Variants in FMO4 observed in about 807,000 individuals in gnomAD.
FMO4 encodes flavin containing dimethylaniline monoxygenase 4, also known as dimethylaniline monooxygenase [N-oxide-forming] 4.
FMO4 carries 38 observed loss-of-function variants against 43.3 expected under a neutral mutation model. The observed-to-expected ratio is 0.88, with a 90% CI of 0.68 to 1.15. The LOEUF is 1.15. Ranked by LOEUF, FMO4 falls within the 50% of genes most tolerant of loss-of-function variation. FMO4 has a pLI of 0.00. For synonymous variants in FMO4, 224 were observed against 232.2 expected (o/e 0.96, Z 0.32); for missense variants, 631 against 663.3 (o/e 0.95, Z 0.54).
At chr1:171,316,681 A>G (rs772480109) in intron 2 of FMO4, among the ~76,000 whole-genome samples, 7 of 152,044 alleles carry the variant, frequency 4.6e-5, no homozygotes, top group Non-Finnish European at 7.4e-5. Flanking sequence ...CTAAATAGGG[A>G]CTCCCAAATA....
Position 171,341,620 on chromosome 1 carries a change from C to T in FMO4, c.1458C>T (p.Ile486=). 6.2e-7 allele frequency: 1 copy of T among 1,613,962 alleles called. No individual in the cohort carries two copies. The highest frequency in any genetic ancestry group is 8.5e-7 in the Non-Finnish European group (1 of 1,179,928). Residue 486 remains isoleucine (I), a synonymous_variant, in exon 10 of 10, where the codon ATC becomes ATT. Coordinates refer to ENST00000367749, the MANE Select transcript of FMO4 (RefSeq NM_002022.3). ...AATGGGATGGAGCCAGAAATGCCAT[C>T]CTGACCCAGTGGGACAGAACATTGA... ...PGKWDGARNA[I]LTQWDRTLKP...
intron 7 of FMO4, 29 bp downstream of exon 7, chr1:171,332,937 A>T (rs1662964120): frequency 2.1e-6 from 2 of 966,514 alleles, no homozygotes; most frequent in Non-Finnish European, 3.3e-6. Context: ...TAGTAGAAAA[A>T]ATATTAAATC....
chr1:171,341,459 T>C lies in FMO4; in HGVS notation c.1297T>C (p.Tyr433His). The change falls in exon 10 of 10, where the codon TAC becomes CAC. Residue 433 changes from tyrosine (Y) to histidine (H), a missense_variant. Physicochemically the swap from Tyr to His is moderately conservative, Grantham distance 83 (BLOSUM62 2). Coordinates refer to ENST00000367749, the MANE Select transcript of FMO4 (RefSeq NM_002022.3). ...CAAAGACAAATTTGACTACATTGCC[T>C]ACATGGATGATATCGCTGCCTGCAT... ...TSKDKFDYIA[Y>H]MDDIAACIGT... 2 of 1,613,912 alleles carry C rather than the reference T, an allele frequency of 1.2e-6. No individual in the cohort carries two copies. Among genetic ancestry groups the C allele is most frequent in the Non-Finnish European group, 1.7e-6 (2 of 1,179,892 alleles).
intron 9 of FMO4, among the ~76,000 whole-genome samples, chr1:171,340,712 G>A (rs1663338951): frequency 6.6e-6 from 1 of 152,086 alleles, no homozygotes; most frequent in African/African-American, 2.4e-5. Context: ...TGAGTCTAAG[G>A]ATAATGAAAT....
chr1:171,332,575 A>T, intron 6 of FMO4, 134 bp from the exon 7 acceptor site: 1 of 645,770 alleles, frequency 1.5e-6, no homozygotes, highest in East Asian at 2.7e-5. Flanking sequence ...TCGTATGTAG[A>T]CCTATGTACA....
chr1:171,334,850 AGT>A, intron 8 of FMO4, 87 bp downstream of exon 8: 1 of 700,256 alleles, frequency 1.4e-6, no homozygotes, highest in East Asian at 2.7e-5. Flanking sequence ...TGTGAACTAA[AGT>A]AACAAAATAT....
At chr1:171,325,205 T>A (rs1303612891) in intron 5 of FMO4, among the ~76,000 whole-genome samples, 2 of 152,224 alleles carry the variant, frequency 1.3e-5, no homozygotes, top group African/African-American at 4.8e-5. Flanking sequence ...GAAATGCTTT[T>A]CACTGTGACA....
rs758313596 is a variant in FMO4 at position 171,324,118 on chromosome 1, T to C, written c.322-20T>C. 5 of 1,597,068 alleles carry C rather than the reference T, an allele frequency of 3.1e-6. No homozygotes were observed. Among genetic ancestry groups the C allele is most frequent in the Middle Eastern group, 1.7e-4 (1 of 5,952 alleles). Reference sequence around the variant, plus strand: ...TCCAAGGGTGTTAGTGAGAAGTGAGTGTTTGTCTTTCACTTTTAGACCACT... The same window carrying C: ...TCCAAGGGTGTTAGTGAGAAGTGAGCGTTTGTCTTTCACTTTTAGACCACT... On this transcript the variant is annotated intron_variant, in intron 4 of 9. Transcript: ENST00000367749.
intron 5 of FMO4, among the ~76,000 whole-genome samples, chr1:171,325,047 T>C (rs919430243): frequency 1.3e-5 from 2 of 152,102 alleles, no homozygotes; most frequent in Admixed American, 6.6e-5. Flanking sequence ...GAGTGGCGGT[T>C]GCAGTGAGCA....
chr1:171,339,117 A>T (rs905589540), intron 9 of FMO4, among the ~76,000 whole-genome samples: 1 of 152,184 alleles, frequency 6.6e-6, no homozygotes, highest in Non-Finnish European at 1.5e-5. Flanking sequence ...ATATCTGTGG[A>T]AAGTTCAGTC....
Position 171,341,977 on chromosome 1 carries a change from A to G in FMO4, c.*138A>G. On this transcript the variant is annotated 3_prime_UTR_variant, in exon 10 of 10. Coordinates refer to ENST00000367749, the MANE Select transcript of FMO4 (RefSeq NM_002022.3). Reference sequence around the variant, plus strand: ...CATCTCCTATCTGAATTATTGTATTATCTTCTTCTTTGTTTTCAGTACCCT... The same window carrying G: ...CATCTCCTATCTGAATTATTGTATTGTCTTCTTCTTTGTTTTCAGTACCCT... The G allele has an allele frequency of 1.5e-6, 1 of 647,598 alleles. No individual in the cohort carries two copies. Among genetic ancestry groups the G allele is most frequent in the East Asian group, 2.7e-5 (1 of 36,504 alleles). The allele number at this position is 647,598 out of a possible 1,614,324, so 40.1% of individuals were successfully genotyped here.
Position 171,341,752 on chromosome 1 carries a change from C to A in FMO4, c.1590C>A (p.Ile530=), listed in dbSNP as rs184560969. The A allele has an allele frequency of 3.1e-6, 5 of 1,613,772 alleles. No individual in the cohort carries two copies. In the East Asian group the frequency reaches 8.9e-5, roughly 29 times the overall value. The part of the protein sequence containing the change: ...APVLLASLLL[I]CKSSLFLKLV... Reference sequence around the variant, plus strand: ...TCCTACTTGCCTCTCTTCTACTTATCTGTAAATCTTCACTTTTCTTGAAAT... The same window carrying A: ...TCCTACTTGCCTCTCTTCTACTTATATGTAAATCTTCACTTTTCTTGAAAT... Residue 530 remains isoleucine, a synonymous_variant, in exon 10 of 10, where the codon ATC becomes ATA. Transcript: ENST00000367749.
At position 171,324,357 on chromosome 1, in the gene FMO4, CTT is replaced by C. The variant is rs1177642412; in HGVS notation, c.484+58_484+59del. 33 of 1,389,638 alleles carry C rather than the reference CTT, an allele frequency of 2.4e-5. No individual in the cohort carries two copies. In the African/African-American group the frequency reaches 4.3e-4, roughly 18 times the overall value. The allele number at this position is 1,389,638 out of a possible 1,614,324, so 86.1% of individuals were successfully genotyped here. A position where few individuals can be genotyped will look rare whatever the true frequency, so the allele number is the denominator to read the frequency against. Reference sequence around the variant, plus strand: ...GCTTCTGGGTTCTTCTAGAAGTAAACTTATTGATTTGCAGTTGGAAATACCGC... The same window carrying C: ...GCTTCTGGGTTCTTCTAGAAGTAAACATTGATTTGCAGTTGGAAATACCGC... On this transcript the variant is annotated intron_variant, in intron 5 of 9. Transcript: ENST00000367749.
chr1:171,322,836 G>C (rs1010034517), intron 3 of FMO4, among the ~76,000 whole-genome samples, 168 bp from the exon 4 acceptor site: 1 of 152,080 alleles, frequency 6.6e-6, no homozygotes, highest in African/African-American at 2.4e-5. Flanking sequence ...CTGGGTGATA[G>C]AGTGAGACTC....
intron 5 of FMO4, among the ~76,000 whole-genome samples, chr1:171,324,857 C>T (rs1662590694): frequency 6.6e-6 from 1 of 152,178 alleles, no homozygotes; most frequent in Non-Finnish European, 1.5e-5. Flanking sequence ...CATAGCGGTT[C>T]ATACCTGTAA....
In FMO4 at chr1:171,341,861, C is replaced by A; in HGVS notation, c.*22C>A. The A allele has an allele frequency of 6.3e-7, 1 of 1,581,742 alleles. No homozygotes were observed. The highest frequency in any genetic ancestry group is 8.6e-7 in the Non-Finnish European group (1 of 1,160,680). Reference sequence around the variant, plus strand: ...ATGAACCTGATTGTTACAAGGGTTACACAAAGTCATGCTAATTCTATCTCC... The same window carrying A: ...ATGAACCTGATTGTTACAAGGGTTAAACAAAGTCATGCTAATTCTATCTCC... On this transcript the variant is annotated 3_prime_UTR_variant, in exon 10 of 10. Transcript: ENST00000367749.
At chr1:171,331,957 T>G (rs1483946695) in intron 6 of FMO4, among the ~76,000 whole-genome samples, 175 bp downstream of exon 6, 2 of 151,760 alleles carry the variant, frequency 1.3e-5, no homozygotes, top group Non-Finnish European at 2.9e-5. Flanking sequence ...CTTTCTGAAC[T>G]ATTTAAAAAG....
At chr1:171,314,456 A>G (rs2101866916) in intron 1 of FMO4, 43 bp downstream of exon 1, 1 of 152,310 alleles carries the variant, frequency 6.6e-6, no homozygotes, top group Middle Eastern at 3.4e-3. Context: ...AATGATCCAG[A>G]AACTGCTTTC....
chr1:171,320,475 C>T (rs1662369872), intron 3 of FMO4, among the ~76,000 whole-genome samples: 1 of 152,136 alleles, frequency 6.6e-6, no homozygotes, highest in Non-Finnish European at 1.5e-5. Context: ...TTTCAGAATA[C>T]AAAGAACTCA....
Sources: allele counts gnomAD v4.1 joint callset (sites outside exome capture counted in the v4.1 genomes callset), GRCh38; gene constraint gnomAD v4.1.1; transcripts MANE v1.5; gene names NCBI Gene and HGNC (gene_info 2026-07-23, HGNC 2026-07-21).